POLD2: variants seen among roughly 807,000 people sequenced by gnomAD.
POLD2 encodes the protein DNA polymerase delta 2, accessory subunit, also known as DNA polymerase delta subunit 2.
Under a neutral mutation model 48.8 loss-of-function variants are expected in POLD2, and 31 were observed. That is an observed-to-expected ratio of 0.64 (90% CI 0.48 to 0.86). The LOEUF is 0.86. Ranked by LOEUF, POLD2 falls within the 40% of genes least tolerant of loss-of-function variation. The pLI is 0.00. For missense variants in POLD2, 455 were observed against 610.1 expected (o/e 0.75, Z 2.68); for synonymous variants, 233 against 256.3 (o/e 0.91, Z 0.87).
chr7:44,116,120 T>C lies in POLD2; in HGVS notation c.1014A>G (p.Gly338=). ...VTNPYQATID[G]VRFLGTSGQN... is the part of the protein sequence containing the mutation. ...AGTGTGGCTGTGCCAGCTACCTGAC[T>C]CCATCAATGGTGGCCTGGTAGGGGT... The change falls in exon 8 of 11, where the codon GGA becomes GGG. Residue 338 remains glycine, a synonymous_variant. Transcript: ENST00000610533. This position sits in a 1 kb window ranked among gnomAD's most constrained non-coding sequence, Gnocchi z 6.1. The C allele has an allele frequency of 6.2e-7, 1 of 1,613,530 alleles. No individual in the cohort carries two copies. The highest frequency in any genetic ancestry group is 8.5e-7 in the Non-Finnish European group (1 of 1,180,010).
chr7:44,123,210 A>C (rs2096250499), intron 1 of POLD2: 2 of 1,256,550 alleles, frequency 1.6e-6, no homozygotes, highest in African/African-American at 1.6e-5. Flanking sequence ...AGCGGCTTGC[A>C]ATCTATCTCC....
chr7:44,123,542 C>T lies in POLD2; in HGVS notation c.-88G>A, dbSNP rs899853290. ...GCGCGCCGCATCCCGCCAATCCCCG[C>T]GCGCCTGCCCCGCCCATCGCCGCAA... On this transcript the variant is annotated 5_prime_UTR_variant, in exon 1 of 11. Transcript: ENST00000610533. 65 of 1,487,058 alleles carry T rather than the reference C, an allele frequency of 4.4e-5. No homozygotes were observed. Among genetic ancestry groups the T allele is most frequent in the Non-Finnish European group, 5.1e-5 (58 of 1,126,542 alleles). 92.1% of individuals were successfully genotyped at this position (1,487,058 alleles called of 1,614,324 possible).
At chr7:44,122,671 C>T (rs2096249862) in intron 1 of POLD2, among the ~76,000 whole-genome samples, 1 of 152,204 alleles carries the variant, frequency 6.6e-6, no homozygotes, top group South Asian at 2.1e-4. Flanking sequence ...GTCCTCTCCC[C>T]TCCTGGTTCC....
chr7:44,115,727 T>G (rs750073415), intron 9 of POLD2, 39 bp downstream of exon 9: 1 of 1,606,350 alleles, frequency 6.2e-7, no homozygotes, highest in Non-Finnish European at 8.5e-7. Context: ...CCAGGCCTCC[T>G]GGCCCTCTGC....
Position 44,116,775 on chromosome 7 carries a change from G to T in POLD2, c.780+42C>A, listed in dbSNP as rs1397726765. ...GAAGGAGGGTCTTACAGGCTTGCAG[G>T]CTCCTGGGCTGGGGCTGAATGCAGC... On this transcript the variant is annotated intron_variant, in intron 6 of 10. Coordinates refer to ENST00000610533, the MANE Select transcript of POLD2 (RefSeq NM_006230.4). This position sits in a 1 kb window ranked among gnomAD's most constrained non-coding sequence, Gnocchi z 6.1. The T allele has an allele frequency of 1.3e-6, 2 of 1,598,496 alleles. No individual in the cohort carries two copies. The highest frequency in any genetic ancestry group is 4.5e-5 in the East Asian group (2 of 44,808).
At chr7:44,115,693 G>C (rs980864549) in intron 9 of POLD2, 73 bp downstream of exon 9, 3 of 1,528,842 alleles carry the variant, frequency 2.0e-6, no homozygotes, top group Non-Finnish European at 2.7e-6. Context: ...CCCACAGGGG[G>C]ACCCTGTGCA....
rs1000277471 is a variant in POLD2, at chr7:44,121,614, C to A, written c.220+220G>T. Among the ~76,000 whole-genome samples, 1 of 152,240 alleles carries A rather than the reference C, an allele frequency of 6.6e-6. No homozygotes were observed. On this transcript the variant is annotated intron_variant, in intron 2 of 10. Transcript: ENST00000610533. The surrounding 1 kb of genome is among the most constrained non-coding windows in gnomAD (Gnocchi z 4.5). ...GCCATCACCGCCAGAACTAAGTCCTCATCTCCAACCAGCCTCTGAACTAAA... is the reference window on the plus strand; with the variant it reads ...GCCATCACCGCCAGAACTAAGTCCTAATCTCCAACCAGCCTCTGAACTAAA...
At chr7:44,118,546 G>A (rs777533183) in intron 2 of POLD2, among the ~76,000 whole-genome samples, 9 of 152,138 alleles carry the variant, frequency 5.9e-5, no homozygotes, top group Admixed American at 2.6e-4. Flanking sequence ...GCGGAGTCTC[G>A]CTGTCATCCA....
rs2096240893 is a variant in POLD2 at position 44,116,929 on chromosome 7, G to GC, written c.667_668insG (p.Thr223SerfsTer38). On this transcript the variant is annotated frameshift_variant, in exon 6 of 11. Transcript: ENST00000610533. LOFTEE classifies it high-confidence loss of function. This position sits in a 1 kb window ranked among gnomAD's most constrained non-coding sequence, Gnocchi z 6.1. ...CTCCCCTTCGTCCCCAAGCTGCCCCGTCACCACATCCACCAGCAGCTGGGT... is the reference window on the plus strand; with the variant it reads ...CTCCCCTTCGTCCCCAAGCTGCCCCGCTCACCACATCCACCAGCAGCTGGGT... 6.2e-7 allele frequency: 1 copy of GC among 1,613,796 alleles called. No homozygotes were observed. The highest frequency in any genetic ancestry group is 8.5e-7 in the Non-Finnish European group (1 of 1,179,984).
chr7:44,117,518 AC>A, intron 4 of POLD2, 100 bp downstream of exon 4: 33 of 1,403,208 alleles, frequency 2.4e-5, no homozygotes, highest in Admixed American at 4.0e-5. Context: ...CCCAGGCCAC[AC>A]CCCCCCACTC....
rs2096237976 is a variant in POLD2 at position 44,115,778 on chromosome 7, G to A, written c.1135C>T (p.Pro379Ser). The A allele has an allele frequency of 1.2e-6, 2 of 1,613,710 alleles. No homozygotes were observed. Among genetic ancestry groups the A allele is most frequent in the East Asian group, 2.2e-5 (1 of 44,880 alleles). Reference sequence around the variant, plus strand: ...CTGAGCCTGTTACCTAGAGTGTCAGGGGCTGTGGGGCTGATGTGACGGACC... The same window carrying A: ...CTGAGCCTGTTACCTAGAGTGTCAGAGGCTGTGGGGCTGATGTGACGGACC... ...LRVRHISPTA[P>S]DTLGCYPFYK... Residue 379 changes from proline (P) to serine (S), a missense_variant, in exon 9 of 11, where the codon CCT (proline) becomes TCT (serine). By Grantham distance (74) the Pro-to-Ser change is moderately conservative (BLOSUM62 -1). Around this residue, in one of 3 missense-constraint regions of POLD2, gnomAD observed 98 missense variants for 138.6 expected, o/e 0.71. Transcript: ENST00000610533.
rs778763921 is a variant in POLD2, at chr7:44,115,278, C to G, written c.1249+17G>C. On this transcript the variant is annotated intron_variant, in intron 10 of 10. Transcript: ENST00000610533. ...AAATCAGCAAATCAGCCTGGGCCCC[C>G]AGAAGACAAAAATTACCTCGGATGA... The G allele has an allele frequency of 7.6e-6, 12 of 1,570,512 alleles. No homozygotes were observed. In the Admixed American group the frequency reaches 1.5e-4, roughly 20 times the overall value.
intron 2 of POLD2, among the ~76,000 whole-genome samples, chr7:44,119,195 T>A (rs1357318841): frequency 6.6e-6 from 1 of 151,720 alleles, no homozygotes; most frequent in Non-Finnish European, 1.5e-5. Context: ...CAAGAACACA[T>A]GGGAGGGGCT....
intron 9 of POLD2, 55 bp from the exon 10 acceptor site, chr7:44,115,451 C>T: frequency 4.4e-6 from 5 of 1,134,990 alleles, no homozygotes; most frequent in African/African-American, 1.5e-5. Flanking sequence ...TAGCACTCTG[C>T]ACAGGATGTG....
Position 44,116,642 on chromosome 7 carries a change from CA to C in POLD2, c.781-133del. On this transcript the variant is annotated intron_variant, in intron 6 of 10. Coordinates refer to ENST00000610533, the MANE Select transcript of POLD2 (RefSeq NM_006230.4). This position sits in a 1 kb window ranked among gnomAD's most constrained non-coding sequence, Gnocchi z 6.1. ...CTCCCTTCAAGCCTCCCACCATCCTCAGCGAGGGCCTGGGCATGAGGAGCCC... is the reference window on the plus strand; with the variant it reads ...CTCCCTTCAAGCCTCCCACCATCCTCGCGAGGGCCTGGGCATGAGGAGCCC... The C allele has an allele frequency of 1.0e-6, 1 of 997,904 alleles. No individual in the cohort carries two copies. Among genetic ancestry groups the C allele is most frequent in the Non-Finnish European group, 1.5e-6 (1 of 664,116 alleles). 61.8% of individuals were successfully genotyped at this position (997,904 alleles called of 1,614,324 possible).
intron 2 of POLD2, 61 bp from the exon 3 acceptor site, chr7:44,118,125 G>A: frequency 6.3e-7 from 1 of 1,593,574 alleles, no homozygotes; most frequent in Non-Finnish European, 8.6e-7. Context: ...CAGAGGCCAT[G>A]GAGGCCCTGC....
Position 44,115,829 on chromosome 7 carries a change from A to C in POLD2, c.1084T>G (p.Leu362Val), listed in dbSNP as rs759371904. ...IFRYSSMEDH[L>V]EILEWTLRVR... ...CGCAGGGTCCACTCCAGGATCTCCA[A>C]GTGATCCTCCATGCTGCTGTATCGG... Residue 362 changes from leucine (L) to valine (V), a missense_variant, in exon 9 of 11, where the codon TTG becomes GTG. Leu to Val is a conservative substitution (Grantham distance 32, BLOSUM62 1). Coordinates refer to ENST00000610533, the MANE Select transcript of POLD2 (RefSeq NM_006230.4). 1.5e-5 allele frequency: 24 copies of C among 1,613,790 alleles called. No individual in the cohort carries two copies. The highest frequency in any genetic ancestry group is 8.5e-7 in the Non-Finnish European group (1 of 1,179,670).
At position 44,116,677 on chromosome 7, in the gene POLD2, GA is replaced by G; in HGVS notation, c.780+139del. The G allele has an allele frequency of 9.8e-7, 1 of 1,015,570 alleles. No homozygotes were observed. Among genetic ancestry groups the G allele is most frequent in the South Asian group, 1.5e-5 (1 of 66,616 alleles). 62.9% of individuals were successfully genotyped at this position (1,015,570 alleles called of 1,614,324 possible). ...CTGGGCATGAGGAGCCCCATTGCAG[GA>G]GGCCCCAGAGTCACTGCAGGGCGCT... On this transcript the variant is annotated intron_variant, in intron 6 of 10. Coordinates refer to ENST00000610533, the MANE Select transcript of POLD2 (RefSeq NM_006230.4). The surrounding 1 kb of genome is among the most constrained non-coding windows in gnomAD (Gnocchi z 6.1).
chr7:44,124,100 G>A (rs2096252590), upstream of POLD2, among the ~76,000 whole-genome samples: 1 of 152,122 alleles, frequency 6.6e-6, no homozygotes, highest in African/African-American at 2.4e-5. Flanking sequence ...GTCTGCGTCC[G>A]GGAAACGCAT....
Sources: allele counts gnomAD v4.1 joint callset (sites outside exome capture counted in the v4.1 genomes callset), GRCh38; gene constraint gnomAD v4.1.1; regional missense constraint gnomAD v4.1.1; non-coding constraint Gnocchi (gnomAD v3.1); transcripts MANE v1.5; gene names NCBI Gene and HGNC (gene_info 2026-07-23, HGNC 2026-07-21).